The following MGME1 variants were observed in gnomAD, a reference collection of about 807,000 sequenced individuals.
MGME1 encodes the protein chromosome 20 open reading frame 72.
A neutral mutation model predicts 33.0 loss-of-function variants in MGME1; 22 were observed. The ratio of observed to expected loss-of-function variants is 0.67; its 90% CI spans 0.48 to 0.95. The LOEUF is 0.95. Ranked by LOEUF, MGME1 falls within the 40% of genes least tolerant of loss-of-function variation. MGME1 has a pLI of 0.00. For missense variants in MGME1, 383 were observed against 397.8 expected, an observed-to-expected ratio of 0.96 and a Z score of 0.32; for synonymous variants, 133 against 144.0, an observed-to-expected ratio of 0.92 and a Z score of 0.55.
chr20:17,972,868 A>G, intron 2 of MGME1: 2 of 724,032 alleles, frequency 2.8e-6, no homozygotes, highest in Non-Finnish European at 3.4e-6. Context: ...GATGAATGCT[A>G]TACACTTCTT....
chr20:17,975,390 C>G (rs776112766), intron 2 of MGME1, among the ~76,000 whole-genome samples: 12 of 151,808 alleles, frequency 7.9e-5, no homozygotes, highest in Non-Finnish European at 1.6e-4. Flanking sequence ...AACCCCATCT[C>G]TACTAAAAGT....
intron 3 of MGME1, among the ~76,000 whole-genome samples, chr20:17,986,339 G>C (rs1379903522): frequency 2.0e-5 from 3 of 150,692 alleles, no homozygotes; most frequent in African/African-American, 7.3e-5. Flanking sequence ...AAAGTGCTGG[G>C]ATTACAGGTG....
rs371872454 is a variant in MGME1, at chr20:17,985,859, T to A, written c.732-2307T>A. Among the ~76,000 whole-genome samples, 329 of 152,260 alleles carry A rather than the reference T, an allele frequency of 2.2e-3. 19 individuals are homozygous for A. The South Asian group carries it at 0.067, about 31-fold the overall frequency. On this transcript the variant is annotated intron_variant, in intron 3 of 4. Transcript: ENST00000377710. ...CTAGGTTTGTGTAATATACTCTATG[T>A]TTGCACAATGACAAAATTGCCTAAC...
intron 3 of MGME1, among the ~76,000 whole-genome samples, chr20:17,981,683 GT>G (rs2036025616): frequency 2.0e-5 from 3 of 148,156 alleles, no homozygotes; most frequent in Non-Finnish European, 4.5e-5. Flanking sequence ...GTGTGTGTGT[GT>G]GTCAGAGTCT....
At chr20:17,978,864 C>T (rs888689805) in intron 3 of MGME1, among the ~76,000 whole-genome samples, 9 of 152,040 alleles carry the variant, frequency 5.9e-5, no homozygotes, top group Non-Finnish European at 1.0e-4. Context: ...CAACCTCTGC[C>T]TCCTGGGTTC....
Position 17,970,058 on chromosome 20 carries a change from C to G in MGME1, c.199C>G (p.Gln67Glu), listed in dbSNP as rs1225903601. The G allele has an allele frequency of 1.2e-6, 2 of 1,614,104 alleles. No individual in the cohort carries two copies. The highest frequency in any genetic ancestry group is 2.7e-5 in the African/African-American group (2 of 74,940). Residue 67 changes from glutamine to glutamate, a missense_variant, in exon 2 of 5, where the codon CAG becomes GAG. Coordinates refer to ENST00000377710, the MANE Select transcript of MGME1 (RefSeq NM_052865.4). ...TGTCTTGTCATCCAGAGGCGTCGCC[C>G]AGACCCCGGGATCGGTGGAGGAAGA... ...QSVLSSRGVA[Q>E]TPGSVEEDAL...
rs2036272453 is a variant in MGME1, at chr20:17,990,419, G to GGGGA, written c.*313_*314insAGGG. 3 of 330,972 alleles carry GGGGA rather than the reference G, an allele frequency of 9.1e-6. No homozygotes were observed. The highest frequency in any genetic ancestry group is 1.7e-5 in the Non-Finnish European group (3 of 177,582). The allele number at this position is 330,972 out of a possible 1,614,324, so 20.5% of individuals were successfully genotyped here. On this transcript the variant is annotated 3_prime_UTR_variant, in exon 5 of 5. Coordinates refer to ENST00000377710, the MANE Select transcript of MGME1 (RefSeq NM_052865.4). ...CTCCCTTGAGGGACATTGGGGGGGG[G>GGGGA]GGGGCGTGGTCCCAGGCAGGATGCC...
At chr20:17,983,916 T>C (rs184961698) in intron 3 of MGME1, among the ~76,000 whole-genome samples, 2 of 152,326 alleles carry the variant, frequency 1.3e-5, no homozygotes, top group East Asian at 3.9e-4. Flanking sequence ...TGTTGTTTCC[T>C]TTGTTATGCA....
rs2035821855 is a variant in MGME1 at position 17,974,946 on chromosome 20, A to G, written c.512-738A>G. ...TGTTAGTAAAAGGATTCCCCCACCTATGTTCATAATTAAGTTTTGGTCTAA... is the reference window on the plus strand; with the variant it reads ...TGTTAGTAAAAGGATTCCCCCACCTGTGTTCATAATTAAGTTTTGGTCTAA... On this transcript the variant is annotated intron_variant, in intron 2 of 4. Coordinates refer to ENST00000377710, the MANE Select transcript of MGME1 (RefSeq NM_052865.4). 2.0e-5 allele frequency among the ~76,000 whole-genome samples: 3 copies of G among 152,118 alleles called. No individual in the cohort carries two copies. In the South Asian group the frequency reaches 6.2e-4, roughly 31 times the overall value.
intron 3 of MGME1, among the ~76,000 whole-genome samples, chr20:17,984,565 A>G (rs1600400414): frequency 1.3e-5 from 2 of 152,202 alleles, no homozygotes; most frequent in Non-Finnish European, 2.9e-5. Context: ...TATTACTGGC[A>G]TAAGCTGGTA....
At position 17,987,186 on chromosome 20, in the gene MGME1, A is replaced by G. The variant is rs940901591; in HGVS notation, c.732-980A>G. Among the ~76,000 whole-genome samples the G allele has an allele frequency of 1.7e-3, 254 of 151,800 alleles. 3 individuals are homozygous for G. The highest frequency in any genetic ancestry group is 7.5e-3 in the South Asian group (36 of 4,822). On this transcript the variant is annotated intron_variant, in intron 3 of 4. Coordinates refer to ENST00000377710, the MANE Select transcript of MGME1 (RefSeq NM_052865.4). ...GACTCCATCTAAAAAAAAAAAAAAA[A>G]AAAGAAGAACCAGGAATGGCATCCT...
intron 1 of MGME1, 46 bp from the exon 2 acceptor site, chr20:17,969,752 TATC>T: frequency 8.6e-7 from 1 of 1,165,974 alleles, no homozygotes; most frequent in Non-Finnish European, 1.2e-6. Flanking sequence ...TGATGTGCAA[TATC>T]ATTCTGATGC....
intron 3 of MGME1, among the ~76,000 whole-genome samples, chr20:17,983,553 C>T (rs559101301): frequency 5.6e-4 from 86 of 152,308 alleles, no homozygotes; most frequent in African/African-American, 1.9e-3. Flanking sequence ...TACTAATTTA[C>T]ATGCCCACCA....
At chr20:17,972,905 A>G (rs999808048) in intron 2 of MGME1, among the ~76,000 whole-genome samples, 6 of 152,178 alleles carry the variant, frequency 3.9e-5, no homozygotes, top group Non-Finnish European at 7.3e-5. Flanking sequence ...TCCATCAGTC[A>G]TAAATTTCTT....
At chr20:17,970,709 C>G (rs540741249) in intron 2 of MGME1, among the ~76,000 whole-genome samples, 2 of 152,292 alleles carry the variant, frequency 1.3e-5, no homozygotes, top group Non-Finnish European at 1.5e-5. Flanking sequence ...CACCTGGTAA[C>G]AGAATTCTAG....
intron 3 of MGME1, among the ~76,000 whole-genome samples, chr20:17,979,624 G>A (rs912956483): frequency 6.7e-6 from 1 of 149,414 alleles, no homozygotes; most frequent in Admixed American, 6.7e-5. Flanking sequence ...CACCGTGTTA[G>A]CCACAATGGT....
intron 3 of MGME1, among the ~76,000 whole-genome samples, chr20:17,980,765 C>T (rs919162198): frequency 3.4e-4 from 51 of 150,244 alleles, no homozygotes; most frequent in Admixed American, 3.3e-3. Context: ...GCTGAGATCA[C>T]GCCACTGCAC....
At chr20:17,987,414 T>C (rs1264729372) in intron 3 of MGME1, among the ~76,000 whole-genome samples, 1 of 152,188 alleles carries the variant, frequency 6.6e-6, no homozygotes, top group African/African-American at 2.4e-5. Context: ...TTTCAATGAC[T>C]TTGTACAAAA....
intron 3 of MGME1, among the ~76,000 whole-genome samples, chr20:17,987,677 A>C (rs1303911824): frequency 6.6e-6 from 1 of 152,172 alleles, no homozygotes; most frequent in Non-Finnish European, 1.5e-5. Flanking sequence ...GTCTAGAGCT[A>C]TAGTGACATG....
Sources: gnomAD v4.1 joint callset for allele counts (sites outside exome capture counted in the v4.1 genomes callset) on GRCh38, gnomAD v4.1.1 for gene constraint, MANE v1.5 for transcripts, NCBI Gene and HGNC (gene_info 2026-07-23, HGNC 2026-07-21) for gene names.